Variants in CNIH3 observed in about 807,000 individuals in gnomAD.
CNIH3 encodes cornichon family AMPA receptor auxiliary protein 3, also known as protein cornichon homolog 3.
In CNIH3, 14 loss-of-function variants were observed where a neutral mutation model predicts 24.1. That is an observed-to-expected ratio of 0.58 (90% confidence interval 0.38 to 0.91). The LOEUF (loss-of-function observed/expected upper bound fraction) is 0.91. Among genes scored for constraint, CNIH3 ranks in the 40% least tolerant of loss-of-function variants. The pLI is 0.00. For synonymous variants in CNIH3, 68 were observed against 73.8 expected (o/e 0.92, Z 0.40); for missense variants, 178 against 196.8 (o/e 0.90, Z 0.57).
chr1:224,722,566 A>G (rs188204284), intron 3 of CNIH3, among the ~76,000 whole-genome samples: 2 of 152,300 alleles, frequency 1.3e-5, no homozygotes, highest in Admixed American at 1.3e-4. Flanking sequence ...ATGCTGGAGC[A>G]GGGACCACAC....
intron 1 of CNIH3, among the ~76,000 whole-genome samples, chr1:224,496,844 C>T (rs1386604584): frequency 6.6e-6 from 1 of 152,124 alleles, no homozygotes; most frequent in Admixed American, 6.5e-5. Context: ...TTTAGACTTA[C>T]CTATGTTTTC....
At chr1:224,653,688 C>A (rs1385410965) in intron 1 of CNIH3, among the ~76,000 whole-genome samples, 1 of 152,230 alleles carries the variant, frequency 6.6e-6, no homozygotes, top group Non-Finnish European at 1.5e-5. Flanking sequence ...AATATAAATT[C>A]TCAGTTACTG....
intron 1 of CNIH3, among the ~76,000 whole-genome samples, chr1:224,651,082 CACAA>C (rs1684837357): frequency 6.6e-6 from 1 of 151,548 alleles, no homozygotes; most frequent in South Asian, 2.1e-4. Context: ...CACACACACG[CACAA>C]ACACACACCC....
intron 1 of CNIH3, among the ~76,000 whole-genome samples, chr1:224,668,664 CAGA>C (rs1685716556): frequency 6.6e-6 from 1 of 152,112 alleles, no homozygotes; most frequent in Non-Finnish European, 1.5e-5. Flanking sequence ...GACACTGGAC[CAGA>C]AGAAGGAGGG....
intron 3 of CNIH3, among the ~76,000 whole-genome samples, chr1:224,608,906 C>T (rs762273766): frequency 3.5e-4 from 54 of 152,288 alleles, no homozygotes; most frequent in Non-Finnish European, 3.4e-4. Context: ...TTAAACTCTG[C>T]CATTTTGCCT....
chr1:224,568,100 G>A (rs1680657258), intron 4 of CNIH3, among the ~76,000 whole-genome samples: 1 of 152,044 alleles, frequency 6.6e-6, no homozygotes, highest in East Asian at 1.9e-4. Context: ...GACCATCCTG[G>A]CCAACATGGT....
At chr1:224,593,948 A>C (rs1367924931) in intron 3 of CNIH3, among the ~76,000 whole-genome samples, 1 of 152,198 alleles carries the variant, frequency 6.6e-6, no homozygotes, top group Non-Finnish European at 1.5e-5. Context: ...AAGTAAACAA[A>C]TGAAAGGTAG....
At chr1:224,569,890 T>G (rs59391065) in intron 4 of CNIH3, among the ~76,000 whole-genome samples, 14,683 of 152,146 alleles carry the variant, frequency 0.097, 888 homozygotes, top group South Asian at 0.24. Context: ...TTCAAGCGAT[T>G]CTCTTGCCTC....
chr1:224,558,436 C>G (rs1680231187), intron 3 of CNIH3, among the ~76,000 whole-genome samples: 1 of 152,068 alleles, frequency 6.6e-6, no homozygotes, highest in African/African-American at 2.4e-5. Flanking sequence ...GAATACCAAG[C>G]AGGGAAGTGA....
chr1:224,623,177 C>T lies in CNIH3; in HGVS notation c.81+5922C>T, dbSNP rs569070668. ...CAGTGAGCTCCCTGTTCTCTACTCC[C>T]GCACTCTGCTGCCCCAGGGGCTCTT... On this transcript the variant is annotated intron_variant, in intron 1 of 5. Coordinates refer to ENST00000272133, the MANE Select transcript of CNIH3 (RefSeq NM_152495.2). 8.5e-5 allele frequency among the ~76,000 whole-genome samples: 13 copies of T among 152,288 alleles called. No individual in the cohort carries two copies. In the South Asian group the frequency reaches 1.5e-3, roughly 17 times the overall value.
intron 1 of CNIH3, among the ~76,000 whole-genome samples, chr1:224,665,161 G>C (rs547789015): frequency 6.6e-6 from 1 of 152,270 alleles, no homozygotes; most frequent in East Asian, 1.9e-4. Flanking sequence ...CTGGATGGAG[G>C]TTCTGAATCC....
chr1:224,653,211 T>C (rs1364166874), intron 1 of CNIH3, among the ~76,000 whole-genome samples: 1 of 151,822 alleles, frequency 6.6e-6, no homozygotes, highest in African/African-American at 2.4e-5. Flanking sequence ...TCACTTGAGG[T>C]CAGGAGTTTG....
At chr1:224,579,774 T>G (rs1246339229) in intron 4 of CNIH3, among the ~76,000 whole-genome samples, 1 of 152,210 alleles carries the variant, frequency 6.6e-6, no homozygotes, top group Non-Finnish European at 1.5e-5. Context: ...TCTCTCTTTC[T>G]TCCTCTCTGG....
intron 3 of CNIH3, among the ~76,000 whole-genome samples, chr1:224,554,638 C>T (rs918123382): frequency 6.6e-6 from 1 of 151,506 alleles, no homozygotes; most frequent in African/African-American, 2.4e-5. Flanking sequence ...GACTGGAGTG[C>T]AGTGGTGTGA....
At chr1:224,454,970 G>C (rs1232492167) in intron 1 of CNIH3, among the ~76,000 whole-genome samples, 1 of 152,160 alleles carries the variant, frequency 6.6e-6, no homozygotes, top group African/African-American at 2.4e-5. Context: ...TTGACTTTCA[G>C]TAGGTTTGTA....
chr1:224,597,980 G>A (rs146041606), intron 3 of CNIH3, among the ~76,000 whole-genome samples: 13 of 152,120 alleles, frequency 8.5e-5, no homozygotes, highest in Non-Finnish European at 1.8e-4. Flanking sequence ...GAGAGTCCAC[G>A]GCAGAACTGA....
At chr1:224,503,085 G>A (rs1677749252) in intron 1 of CNIH3, among the ~76,000 whole-genome samples, 1 of 152,098 alleles carries the variant, frequency 6.6e-6, no homozygotes, top group Admixed American at 6.5e-5. Context: ...AGGAAACCTG[G>A]GAGACTTCTG....
At chr1:224,637,235 G>A (rs996720266) in intron 1 of CNIH3, among the ~76,000 whole-genome samples, 2 of 152,122 alleles carry the variant, frequency 1.3e-5, no homozygotes, top group African/African-American at 4.8e-5. Flanking sequence ...TTACAGGCGT[G>A]AACCACCACG....
chr1:224,724,978 A>G (rs534155707), intron 3 of CNIH3, among the ~76,000 whole-genome samples: 1 of 152,168 alleles, frequency 6.6e-6, no homozygotes, highest in Non-Finnish European at 1.5e-5. Context: ...TGGGAGGCCA[A>G]AGCAGGTGGA....
Sources: gnomAD v4.1 joint callset for allele counts (sites outside exome capture counted in the v4.1 genomes callset) on GRCh38, gnomAD v4.1.1 for gene constraint, MANE v1.5 for transcripts, NCBI Gene and HGNC (gene_info 2026-07-23, HGNC 2026-07-21) for gene names.